Variants in CPEB1 observed in about 807,000 individuals in gnomAD.
The protein encoded by CPEB1 is cytoplasmic polyadenylation element-binding protein 1.
Under a neutral mutation model 65.8 loss-of-function variants are expected in CPEB1, and 7 were observed. The observed-to-expected ratio is 0.11, with a 90% CI of 0.06 to 0.20. The LOEUF (loss-of-function observed/expected upper bound fraction) is 0.20, where lower values mean the gene tolerates loss of function less well. Ranked by LOEUF, CPEB1 falls within the 10% of genes least tolerant of loss-of-function variation. The pLI is 1.00. For missense variants in CPEB1, 551 were observed against 712.2 expected (o/e 0.77, Z 2.58); for synonymous variants, 262 against 260.0 (o/e 1.01, Z -0.08).
intron 3 of CPEB1, among the ~76,000 whole-genome samples, chr15:82,591,820 ATT>A (rs1345412512): frequency 2.0e-5 from 3 of 148,626 alleles, no homozygotes; most frequent in African/African-American, 7.4e-5. Flanking sequence ...AAGATTCATC[ATT>A]GTTTTAGTTT....
chr15:82,636,332 C>T (rs1034841342), intron 1 of CPEB1, among the ~76,000 whole-genome samples: 1 of 152,200 alleles, frequency 6.6e-6, no homozygotes, highest in African/African-American at 2.4e-5. Flanking sequence ...GCTGCCAAAT[C>T]CAACTGATAC....
chr15:82,631,441 C>G (rs566714937), intron 1 of CPEB1, among the ~76,000 whole-genome samples: 2 of 151,822 alleles, frequency 1.3e-5, no homozygotes, highest in Non-Finnish European at 2.9e-5. Context: ...AAATCAAAGC[C>G]AGGACTGTCA....
intron 1 of CPEB1, among the ~76,000 whole-genome samples, chr15:82,639,858 C>T (rs1317290242): frequency 6.6e-6 from 1 of 152,048 alleles, no homozygotes; most frequent in Non-Finnish European, 1.5e-5. Context: ...CACTCTCTCT[C>T]TCTCTCTCTC....
chr15:82,600,479 A>G (rs994234545), intron 3 of CPEB1, among the ~76,000 whole-genome samples: 2 of 152,164 alleles, frequency 1.3e-5, no homozygotes, highest in African/African-American at 2.4e-5. Context: ...AAAAGAGGAC[A>G]CATCTAAGTC....
intron 3 of CPEB1, among the ~76,000 whole-genome samples, chr15:82,626,496 C>T (rs1343189060): frequency 1.3e-5 from 2 of 151,882 alleles, no homozygotes; most frequent in Non-Finnish European, 1.5e-5. Context: ...AAACCCAGAA[C>T]ACTTCAACAT....
chr15:82,627,223 T>C lies in CPEB1; in HGVS notation c.241A>G (p.Ile81Val), dbSNP rs767520769. The change falls in exon 3 of 13, where the codon ATA (isoleucine) becomes GTA (valine). Residue 81 changes from isoleucine (I) to valine (V), a missense_variant. Physicochemically the swap from Ile to Val is conservative, Grantham distance 29. Transcript: ENST00000684509. ...LDFSRVCTTP[I>V]NRGIHDHLPD... Reference sequence around the variant, plus strand: ...AAATGATCATGAATTCCTCGGTTTATAGGTGTAGTGCAGACTCTACTGAAA... The same window carrying C: ...AAATGATCATGAATTCCTCGGTTTACAGGTGTAGTGCAGACTCTACTGAAA... The C allele has an allele frequency of 1.2e-5, 19 of 1,611,284 alleles. No individual in the cohort carries two copies. Among genetic ancestry groups the C allele is most frequent in the Non-Finnish European group, 1.6e-5 (19 of 1,179,184 alleles).
intron 4 of CPEB1, among the ~76,000 whole-genome samples, chr15:82,564,634 G>A (rs1318863506): frequency 6.6e-6 from 1 of 152,070 alleles, no homozygotes; most frequent in Non-Finnish European, 1.5e-5. Context: ...CAGATTTAGG[G>A]GAATAAACCT....
At chr15:82,546,777 C>T (rs2035300017) in intron 11 of CPEB1, among the ~76,000 whole-genome samples, 2 of 152,186 alleles carry the variant, frequency 1.3e-5, no homozygotes, top group Non-Finnish European at 2.9e-5. Flanking sequence ...ACCTTAATGC[C>T]TGGTCTTCTA....
chr15:82,622,549 G>A (rs1193939740), intron 3 of CPEB1, among the ~76,000 whole-genome samples: 1 of 151,958 alleles, frequency 6.6e-6, no homozygotes, highest in African/African-American at 2.4e-5. Context: ...GCACCATCAT[G>A]CCCGGTTAAT....
rs1010936997 is a variant in CPEB1, at chr15:82,646,798, G to A, written c.-98+339C>T. ...TGAAAAAGCCTCGGGGAATGACGCCGGGTGGGACACCCCAAGGTGAGGACC... is the reference window on the plus strand; with the variant it reads ...TGAAAAAGCCTCGGGGAATGACGCCAGGTGGGACACCCCAAGGTGAGGACC... On this transcript the variant is annotated intron_variant, in intron 1 of 12. Coordinates refer to ENST00000684509, the MANE Select transcript of CPEB1 (RefSeq NM_001365242.1). Among the ~76,000 whole-genome samples, 4 of 152,112 alleles carry A rather than the reference G, an allele frequency of 2.6e-5. No individual in the cohort carries two copies. In the East Asian group the frequency reaches 7.8e-4, roughly 30 times the overall value.
At chr15:82,605,995 G>A (rs981376881) in intron 3 of CPEB1, among the ~76,000 whole-genome samples, 6 of 151,936 alleles carry the variant, frequency 3.9e-5, no homozygotes, top group Admixed American at 2.0e-4. Context: ...GCGAGATCGC[G>A]CCATTGTACT....
intron 1 of CPEB1, among the ~76,000 whole-genome samples, chr15:82,637,114 C>A (rs2046724982): frequency 6.6e-6 from 1 of 152,304 alleles, no homozygotes; most frequent in South Asian, 2.1e-4. Flanking sequence ...CTGATTTAAG[C>A]CCCAGTGCTC....
At chr15:82,630,463 A>T (rs2046143409) in intron 1 of CPEB1, among the ~76,000 whole-genome samples, 1 of 152,012 alleles carries the variant, frequency 6.6e-6, no homozygotes. Flanking sequence ...AACATTAGAC[A>T]GGTATGGTGG....
At chr15:82,617,758 G>T (rs2044878159) in intron 3 of CPEB1, among the ~76,000 whole-genome samples, 2 of 122,184 alleles carry the variant, frequency 1.6e-5, no homozygotes, top group South Asian at 5.6e-4. Flanking sequence ...TTTTGAGACG[G>T]AGTCTCGCTC....
intron 3 of CPEB1, among the ~76,000 whole-genome samples, chr15:82,593,770 G>A (rs1225631361): frequency 2.6e-5 from 4 of 152,132 alleles, no homozygotes; most frequent in Non-Finnish European, 5.9e-5. Flanking sequence ...TTGATCCATA[G>A]GCTGCAAAAC....
chr15:82,555,912 A>G lies in CPEB1; in HGVS notation c.898T>C (p.Phe300Leu). The G allele has an allele frequency of 6.2e-7, 1 of 1,613,748 alleles. No homozygotes were observed. Among genetic ancestry groups the G allele is most frequent in the African/African-American group, 1.3e-5 (1 of 75,012 alleles). The change falls in exon 6 of 13, where the codon TTC (phenylalanine) becomes CTC (leucine). Residue 300 changes from phenylalanine (F) to leucine (L), a missense_variant. Physicochemically the swap from Phe to Leu is conservative, Grantham distance 22. This residue lies in a region of CPEB1 where 128 missense variants were observed against 129.1 expected (regional missense o/e 0.99). Coordinates refer to ENST00000684509, the MANE Select transcript of CPEB1 (RefSeq NM_001365242.1). ...WDLLEAPKDPFSIEREARLHR... is the reference protein window; with the variant it reads ...WDLLEAPKDPLSIEREARLHR... Reference sequence around the variant, plus strand: ...AGCCTGGCCTCTCTCTCTATGCTGAAGGGGTCTTTGGGAGCTTCGAGGAGG... The same window carrying G: ...AGCCTGGCCTCTCTCTCTATGCTGAGGGGGTCTTTGGGAGCTTCGAGGAGG...
intron 12 of CPEB1, 90 bp from the exon 13 acceptor site, chr15:82,544,792 A>C: frequency 1.0e-6 from 1 of 982,922 alleles, no homozygotes; most frequent in East Asian, 2.5e-5. Flanking sequence ...CTGTTTGGAG[A>C]AGGGTGGGAG....
chr15:82,609,078 T>C (rs972669667), intron 3 of CPEB1, among the ~76,000 whole-genome samples: 1 of 152,188 alleles, frequency 6.6e-6, no homozygotes, highest in Non-Finnish European at 1.5e-5. Context: ...TTAAACAACA[T>C]ACTCTTCATC....
chr15:82,642,033 A>G (rs2047156398), intron 1 of CPEB1, among the ~76,000 whole-genome samples: 1 of 152,240 alleles, frequency 6.6e-6, no homozygotes. Context: ...GAAAATATGA[A>G]ATATTACATC....
Sources: allele counts gnomAD v4.1 joint callset (sites outside exome capture counted in the v4.1 genomes callset), GRCh38; gene constraint gnomAD v4.1.1; regional missense constraint gnomAD v4.1.1; transcripts MANE v1.5; gene names NCBI Gene and HGNC (gene_info 2026-07-23, HGNC 2026-07-21).